Variants in TNS1 observed in about 807,000 individuals in gnomAD.
TNS1 encodes tensin 1.
TNS1 carries 62 observed loss-of-function variants against 168.6 expected under a neutral mutation model. That is an observed-to-expected ratio of 0.37 (90% CI 0.30 to 0.45). TNS1 has a LOEUF of 0.45. Ranked by LOEUF, TNS1 falls within the 20% of genes least tolerant of loss-of-function variation. The pLI is 1.00. For synonymous variants in TNS1, 934 were observed against 933.2 expected (o/e 1.00, Z -0.02); for missense variants, 2,240 against 2,339.4 (o/e 0.96, Z 0.88).
intron 18 of TNS1, among the ~76,000 whole-genome samples, chr2:217,869,858 G>C (rs1285974669): frequency 6.6e-6 from 1 of 152,102 alleles, no homozygotes; most frequent in Non-Finnish European, 1.5e-5. Context: ...GACCCCCGGG[G>C]AACACCAGCC....
intron 1 of TNS1, among the ~76,000 whole-genome samples, chr2:218,017,669 T>C: frequency 6.6e-6 from 1 of 152,266 alleles, no homozygotes; most frequent in Non-Finnish European, 1.5e-5. Context: ...GAGTTATTTT[T>C]CTATGCTGAG....
chr2:217,804,258 C>G lies in TNS1; in HGVS notation c.*201G>C. 8.5e-6 allele frequency: 2 copies of G among 235,104 alleles called. No individual in the cohort carries two copies. Among genetic ancestry groups the G allele is most frequent in the Non-Finnish European group, 1.4e-5 (2 of 139,260 alleles). The allele number at this position is 235,104 out of a possible 1,614,324, so 14.6% of individuals were successfully genotyped here. ...ATCCAAGTTCTTCTCCTCCATCTTT[C>G]TCTCTCTCTCTCTCTCTCTCTCTCT... On this transcript the variant is annotated 3_prime_UTR_variant, in exon 33 of 33. Transcript: ENST00000682258.
At chr2:217,972,372 G>A (rs1957791369) in intron 3 of TNS1, among the ~76,000 whole-genome samples, 1 of 152,228 alleles carries the variant, frequency 6.6e-6, no homozygotes, top group African/African-American at 2.4e-5. Flanking sequence ...CTGGTAGCAG[G>A]AGAATACAAG....
At chr2:217,827,601 G>C (rs777072638) in intron 22 of TNS1, among the ~76,000 whole-genome samples, 2 of 152,194 alleles carry the variant, frequency 1.3e-5, no homozygotes, top group African/African-American at 4.8e-5. Flanking sequence ...ACTTTGAAAT[G>C]GCCACTTGAG....
intron 3 of TNS1, among the ~76,000 whole-genome samples, chr2:217,931,057 T>A (rs1006392606): frequency 1.3e-5 from 2 of 152,058 alleles, no homozygotes; most frequent in Admixed American, 1.3e-4. Context: ...TGAGTGCCCC[T>A]CCATGCCAGG....
At chr2:217,965,903 C>T (rs35303461) in intron 3 of TNS1, among the ~76,000 whole-genome samples, 15,658 of 152,112 alleles carry the variant, frequency 0.1, 849 homozygotes, top group South Asian at 0.16. Flanking sequence ...CCACAAACCC[C>T]GCCCTCCTAG....
At chr2:217,885,704 A>T (rs752528906) in intron 15 of TNS1, 40 bp downstream of exon 15, 1 of 1,577,340 alleles carries the variant, frequency 6.3e-7, no homozygotes. Context: ...GGGAGAGAAA[A>T]TAAACAAGGA....
chr2:217,954,090 A>G (rs780532142), intron 3 of TNS1, among the ~76,000 whole-genome samples: 13 of 152,204 alleles, frequency 8.5e-5, no homozygotes, highest in Non-Finnish European at 1.8e-4. Context: ...GCTTGGGCTA[A>G]TAAGCCCGCC....
chr2:217,861,342 T>C (rs1429667176), intron 18 of TNS1, among the ~76,000 whole-genome samples: 2 of 152,180 alleles, frequency 1.3e-5, no homozygotes, highest in East Asian at 3.9e-4. Context: ...AGGCAACCCC[T>C]CTCCCTGCAA....
At chr2:217,964,653 T>C (rs1284368242) in intron 3 of TNS1, among the ~76,000 whole-genome samples, 2 of 152,196 alleles carry the variant, frequency 1.3e-5, no homozygotes, top group African/African-American at 4.8e-5. Flanking sequence ...GTGTGAGTTC[T>C]GTATGCAGAC....
intron 18 of TNS1, chr2:217,850,619 ACACACG>A (rs1322860284): frequency 7.5e-5 from 71 of 948,088 alleles, no homozygotes; most frequent in Middle Eastern, 5.4e-4. Flanking sequence ...ACACACACAC[ACACACG>A]CACGCACGCA....
chr2:217,934,390 T>C (rs1956490286), intron 3 of TNS1, among the ~76,000 whole-genome samples: 2 of 152,172 alleles, frequency 1.3e-5, no homozygotes. Flanking sequence ...ATTCAGTGGC[T>C]GGGCCTCCGG....
chr2:217,966,715 CTGACCCAT>C (rs1299407931), intron 3 of TNS1, among the ~76,000 whole-genome samples: 2 of 152,212 alleles, frequency 1.3e-5, no homozygotes, highest in Non-Finnish European at 2.9e-5. Context: ...CAAGGGAACA[CTGACCCAT>C]TGCTCTCCCC....
chr2:217,869,970 G>T (rs1010326912), intron 18 of TNS1, among the ~76,000 whole-genome samples: 1 of 152,106 alleles, frequency 6.6e-6, no homozygotes, highest in African/African-American at 2.4e-5. Flanking sequence ...TCCCGCTAAG[G>T]TCCCACCCAC....
At chr2:217,841,640 A>G (rs114673392) in intron 19 of TNS1, among the ~76,000 whole-genome samples, 63 of 152,164 alleles carry the variant, frequency 4.1e-4, no homozygotes, top group Non-Finnish European at 7.5e-4. Flanking sequence ...GTGGAAGCAG[A>G]GGTGCCATCG....
chr2:217,887,487 T>C (rs962791171), intron 12 of TNS1, among the ~76,000 whole-genome samples: 3 of 152,168 alleles, frequency 2.0e-5, no homozygotes, highest in African/African-American at 4.8e-5. Context: ...TTTGTATTTT[T>C]AGTAGAGACA....
intron 1 of TNS1, among the ~76,000 whole-genome samples, chr2:218,002,600 G>T (rs1574476740): frequency 1.5e-5 from 2 of 133,884 alleles, no homozygotes; most frequent in Non-Finnish European, 3.2e-5. Context: ...GTGGGGGGGT[G>T]GGGCAGGGGA....
chr2:217,846,435 T>C (rs370230594), intron 19 of TNS1, among the ~76,000 whole-genome samples: 7 of 152,232 alleles, frequency 4.6e-5, no homozygotes, highest in African/African-American at 1.7e-4. Flanking sequence ...GCAGCTGGCA[T>C]GGTGACTCAG....
intron 4 of TNS1, among the ~76,000 whole-genome samples, chr2:217,910,860 T>G (rs978709121): frequency 1.3e-5 from 2 of 151,948 alleles, no homozygotes; most frequent in Non-Finnish European, 2.9e-5. Flanking sequence ...GAAATTGAGG[T>G]CCAGGGAGGT....
Sources: gnomAD v4.1 joint callset for allele counts (sites outside exome capture counted in the v4.1 genomes callset) on GRCh38, gnomAD v4.1.1 for gene constraint, MANE v1.5 for transcripts, NCBI Gene and HGNC (gene_info 2026-07-23, HGNC 2026-07-21) for gene names.